The following GALNT13 variants were observed in gnomAD, a reference collection of about 807,000 sequenced individuals.
GALNT13 encodes polypeptide N-acetylgalactosaminyltransferase 13.
GALNT13 carries 28 observed loss-of-function variants against 64.2 expected under a neutral mutation model. The ratio of observed to expected loss-of-function variants is 0.44; its 90% CI spans 0.32 to 0.60. The LOEUF is 0.60. Among genes scored for constraint, GALNT13 ranks in the 20% least tolerant of loss-of-function variants. GALNT13 has a pLI of 0.05. For missense variants in GALNT13, 577 were observed against 669.8 expected (o/e 0.86, Z 1.53); for synonymous variants, 214 against 224.6 (o/e 0.95, Z 0.42).
chr2:153,371,249 T>G, the GALNT13 span, among the ~76,000 whole-genome samples: 1 of 152,202 alleles, frequency 6.6e-6, no homozygotes, highest in African/African-American at 2.4e-5. Flanking sequence ...AGTAAAACAC[T>G]AAACGTTTTC....
chr2:153,908,337 G>A (rs1392834431), intron 2 of GALNT13, among the ~76,000 whole-genome samples: 1 of 152,060 alleles, frequency 6.6e-6, no homozygotes, highest in Non-Finnish European at 1.5e-5. Context: ...CCATTCTATA[G>A]GTTGTCTGCT....
chr2:153,574,364 C>T, the GALNT13 span, among the ~76,000 whole-genome samples: 5 of 152,036 alleles, frequency 3.3e-5, no homozygotes, highest in Admixed American at 3.3e-4. Flanking sequence ...TGTTCTATAA[C>T]CTTCTTGCAG....
chr2:153,622,985 G>T, the GALNT13 span, among the ~76,000 whole-genome samples: 1 of 152,076 alleles, frequency 6.6e-6, no homozygotes, highest in Non-Finnish European at 1.5e-5. Context: ...GTCTTGTAAG[G>T]TCTGTGATAA....
the GALNT13 span, among the ~76,000 whole-genome samples, chr2:153,570,563 T>C: frequency 2.6e-5 from 4 of 152,120 alleles, no homozygotes; most frequent in African/African-American, 4.8e-5. Context: ...TCCCCCAGTG[T>C]TTTCTTGTAG....
intron 4 of GALNT13, among the ~76,000 whole-genome samples, chr2:154,166,176 G>T (rs1038302220): frequency 6.6e-6 from 1 of 152,140 alleles, no homozygotes; most frequent in Non-Finnish European, 1.5e-5. Context: ...AGGCTGAGGC[G>T]GGTGGATCAC....
At chr2:153,174,380 A>G in the GALNT13 span, among the ~76,000 whole-genome samples, 1 of 152,138 alleles carries the variant, frequency 6.6e-6, no homozygotes, top group African/African-American at 2.4e-5. Context: ...TGAGATGACT[A>G]ATTGGATCCA....
chr2:153,355,580 A>C, the GALNT13 span, among the ~76,000 whole-genome samples: 3 of 152,232 alleles, frequency 2.0e-5, no homozygotes, highest in African/African-American at 7.2e-5. Context: ...CAATGGATCA[A>C]AAGTGTGATG....
the GALNT13 span, among the ~76,000 whole-genome samples, chr2:153,854,045 T>C: frequency 1.3e-5 from 2 of 151,700 alleles, no homozygotes; most frequent in African/African-American, 2.4e-5. Context: ...GTGAAGTCCA[T>C]AGTATGTTAA....
intron 3 of GALNT13, among the ~76,000 whole-genome samples, chr2:154,011,442 A>G (rs189121397): frequency 2.0e-5 from 3 of 152,260 alleles, no homozygotes; most frequent in Admixed American, 1.3e-4. Context: ...TGTGGTTGGT[A>G]TGATTTCAGC....
the GALNT13 span, among the ~76,000 whole-genome samples, chr2:153,553,256 T>C: frequency 3.9e-5 from 6 of 152,146 alleles, no homozygotes; most frequent in Admixed American, 3.9e-4. Flanking sequence ...CCCAGTCCTT[T>C]GGGAGGTTGA....
At chr2:154,213,557 A>G (rs1687888931) in intron 4 of GALNT13, among the ~76,000 whole-genome samples, 1 of 152,080 alleles carries the variant, frequency 6.6e-6, no homozygotes, top group Non-Finnish European at 1.5e-5. Context: ...AATAAAAAGG[A>G]CTAGATGGGT....
At position 154,388,913 on chromosome 2, in the gene GALNT13, C is replaced by T. The variant is rs1698645534; in HGVS notation, c.1157-7078C>T. On this transcript the variant is annotated intron_variant, in intron 9 of 12. Transcript: ENST00000392825. ...CATACATAACAAACTTTATAATCAA[C>T]TGCATAGTTTTGACTGTTAAAGGTA... 5.3e-5 allele frequency among the ~76,000 whole-genome samples: 8 copies of T among 152,210 alleles called. 1 individual carries two copies. In the South Asian group the frequency reaches 1.7e-3, roughly 32 times the overall value.
At chr2:153,747,316 T>C in the GALNT13 span, among the ~76,000 whole-genome samples, 1 of 151,980 alleles carries the variant, frequency 6.6e-6, no homozygotes, top group Non-Finnish European at 1.5e-5. Context: ...CCTTTTATTT[T>C]TTGTACCCAT....
intron 4 of GALNT13, among the ~76,000 whole-genome samples, chr2:154,230,583 C>T (rs1237266795): frequency 3.3e-5 from 5 of 152,010 alleles, no homozygotes; most frequent in Non-Finnish European, 5.9e-5. Context: ...GCTAGATAAA[C>T]AGGGTGTTTT....
At chr2:153,663,417 G>A in the GALNT13 span, among the ~76,000 whole-genome samples, 8 of 152,034 alleles carry the variant, frequency 5.3e-5, no homozygotes, top group African/African-American at 1.7e-4. Flanking sequence ...TGTAATGGTC[G>A]ATAATAAATC....
intron 3 of GALNT13, among the ~76,000 whole-genome samples, chr2:154,070,090 C>G (rs957478250): frequency 6.6e-6 from 1 of 152,082 alleles, no homozygotes; most frequent in Admixed American, 6.6e-5. Flanking sequence ...AATGAATGCT[C>G]ATCCTACTGA....
chr2:153,096,849 A>C, the GALNT13 span, among the ~76,000 whole-genome samples: 3 of 152,218 alleles, frequency 2.0e-5, no homozygotes, highest in East Asian at 5.8e-4. Context: ...TGTAAAGTTT[A>C]GTTCATTTAC....
chr2:153,830,399 A>T, the GALNT13 span, among the ~76,000 whole-genome samples: 4 of 152,016 alleles, frequency 2.6e-5, no homozygotes, highest in Admixed American at 1.3e-4. Flanking sequence ...TAATTCTAAA[A>T]TTTTTTTAAG....
At chr2:153,957,498 C>A (rs1482666240) in intron 3 of GALNT13, among the ~76,000 whole-genome samples, 1 of 152,148 alleles carries the variant, frequency 6.6e-6, no homozygotes, top group Non-Finnish European at 1.5e-5. Flanking sequence ...TTTGTGGGGG[C>A]TAGTAGAAGA....
Sources: allele counts gnomAD v4.1 joint callset (sites outside exome capture counted in the v4.1 genomes callset), GRCh38; gene constraint gnomAD v4.1.1; transcripts MANE v1.5; gene names NCBI Gene and HGNC (gene_info 2026-07-23, HGNC 2026-07-21).